The following ITPR1 variants were observed in gnomAD, a reference collection of about 807,000 sequenced individuals.
ITPR1 encodes the protein inositol 1,4,5-trisphosphate receptor type 1, also known as inositol 1,4,5-trisphosphate-gated calcium channel ITPR1.
ITPR1 carries 96 observed loss-of-function variants against 318.4 expected under a neutral mutation model. That is an observed-to-expected ratio of 0.30 (90% confidence interval 0.26 to 0.36). The LOEUF (loss-of-function observed/expected upper bound fraction) is 0.36. Among genes scored for constraint, ITPR1 ranks in the 10% least tolerant of loss-of-function variants. ITPR1 has a pLI of 1.00. For synonymous variants in ITPR1, 1,312 were observed against 1,289.9 expected (o/e 1.02, Z -0.37); for missense variants, 2,440 against 3,460.2 (o/e 0.71, Z 7.40).
chr3:4,632,335 T>G (rs533267740), intron 5 of ITPR1, among the ~76,000 whole-genome samples: 27 of 152,342 alleles, frequency 1.8e-4, no homozygotes, highest in African/African-American at 6.0e-4. Flanking sequence ...TCCAACTCTT[T>G]CCTCTCCTAT....
At chr3:4,607,830 G>A (rs569969914) in intron 4 of ITPR1, among the ~76,000 whole-genome samples, 1 of 152,182 alleles carries the variant, frequency 6.6e-6, no homozygotes, top group African/African-American at 2.4e-5. Context: ...ACCTCAAAAG[G>A]CCAATCTTAG....
chr3:4,601,459 C>T (rs2091275912), intron 4 of ITPR1, among the ~76,000 whole-genome samples: 1 of 150,370 alleles, frequency 6.7e-6, no homozygotes, highest in Non-Finnish European at 1.5e-5. Flanking sequence ...GTCGAGGCTG[C>T]ACTGCACTGT....
intron 4 of ITPR1, among the ~76,000 whole-genome samples, chr3:4,564,364 C>G (rs971265507): frequency 2.6e-5 from 4 of 152,148 alleles, no homozygotes; most frequent in Middle Eastern, 3.2e-3. Context: ...TTCATGTTTG[C>G]GTGTGTTCTT....
chr3:4,713,604 C>T (rs1216807075), intron 39 of ITPR1, among the ~76,000 whole-genome samples: 3 of 152,162 alleles, frequency 2.0e-5, no homozygotes, highest in Non-Finnish European at 4.4e-5. Context: ...ATCCCAGACC[C>T]CAGGGGATGC....
chr3:4,822,760 T>G (rs1490124962), intron 60 of ITPR1, among the ~76,000 whole-genome samples: 1 of 152,202 alleles, frequency 6.6e-6, no homozygotes, highest in Non-Finnish European at 1.5e-5. Flanking sequence ...CCTCCTCCAC[T>G]GTAACTCACA....
At chr3:4,500,394 A>G (rs571332268) in intron 2 of ITPR1, among the ~76,000 whole-genome samples, 1 of 151,788 alleles carries the variant, frequency 6.6e-6, no homozygotes, top group Non-Finnish European at 1.5e-5. Flanking sequence ...TAGGGACGGG[A>G]TCTCGCCATG....
intron 45 of ITPR1, among the ~76,000 whole-genome samples, chr3:4,767,308 G>A (rs1038144331): frequency 6.6e-6 from 1 of 152,196 alleles, no homozygotes; most frequent in African/African-American, 2.4e-5. Context: ...ATACTTAGCA[G>A]CATACACATT....
intron 2 of ITPR1, among the ~76,000 whole-genome samples, chr3:4,500,421 C>G (rs2080932629): frequency 6.6e-6 from 1 of 152,014 alleles, no homozygotes. Context: ...AGGATGCTCT[C>G]AAACACCTAG....
At chr3:4,776,823 T>C (rs1559877125) in intron 47 of ITPR1, among the ~76,000 whole-genome samples, 1 of 152,216 alleles carries the variant, frequency 6.6e-6, no homozygotes, top group Non-Finnish European at 1.5e-5. Context: ...ATGATTAATT[T>C]TGATATTGTG....
chr3:4,575,130 C>T (rs1255540559), intron 4 of ITPR1, among the ~76,000 whole-genome samples: 1 of 152,160 alleles, frequency 6.6e-6, no homozygotes, highest in Non-Finnish European at 1.5e-5. Flanking sequence ...AACAAACCAA[C>T]CATAGTTTCT....
chr3:4,579,760 G>A, intron 4 of ITPR1, among the ~76,000 whole-genome samples: 1 of 152,142 alleles, frequency 6.6e-6, no homozygotes, highest in East Asian at 1.9e-4. Flanking sequence ...GTTCTTTCTG[G>A]TGCTGTTTGA....
chr3:4,620,263 C>T (rs930740399), intron 4 of ITPR1, among the ~76,000 whole-genome samples: 2 of 152,160 alleles, frequency 1.3e-5, no homozygotes, highest in Non-Finnish European at 2.9e-5. Context: ...TTTTACATGC[C>T]TTCGTTGTAC....
At position 4,702,947 on chromosome 3, in the gene ITPR1, G is replaced by A. The variant is rs1196707412; in HGVS notation, c.4654G>A (p.Val1552Ile). The change falls in exon 36 of 62, where the codon GTA becomes ATA. Residue 1552 changes from valine (V) to isoleucine (I), a missense_variant. Physicochemically the swap from Val to Ile is conservative, Grantham distance 29 (BLOSUM62 3). Transcript: ENST00000649015. ...VESCIRVLSDVAKSRAIAIPV... is the reference protein window; with the variant it reads ...VESCIRVLSDIAKSRAIAIPV... ...GAGCTGTATTCGGGTGCTGTCTGAT[G>A]TAGGTAAGATACCAAGTCAGTTTGG... is the stretch of plus-strand genomic sequence containing the variant. 1 of 1,613,756 alleles carries A rather than the reference G, an allele frequency of 6.2e-7. No homozygotes were observed. Among genetic ancestry groups the A allele is most frequent in the Non-Finnish European group, 8.5e-7 (1 of 1,179,698 alleles).
chr3:4,651,213 A>G (rs2093591025), intron 10 of ITPR1, among the ~76,000 whole-genome samples: 2 of 152,204 alleles, frequency 1.3e-5, no homozygotes, highest in Admixed American at 1.3e-4. Flanking sequence ...ATTTGGCTTC[A>G]TAGGGTCTTG....
At chr3:4,703,580 A>G (rs2125267914) in intron 36 of ITPR1, among the ~76,000 whole-genome samples, 1 of 152,264 alleles carries the variant, frequency 6.6e-6, no homozygotes, top group South Asian at 2.1e-4. Flanking sequence ...CCTGAAGTTG[A>G]GAAGAGAGTT....
At chr3:4,731,982 C>T (rs2042957782) in intron 42 of ITPR1, among the ~76,000 whole-genome samples, 1 of 152,214 alleles carries the variant, frequency 6.6e-6, no homozygotes, top group Non-Finnish European at 1.5e-5. Context: ...GACTTCTTCT[C>T]CCTCACCTCT....
intron 20 of ITPR1, chr3:4,671,595 C>T (rs964170927): frequency 6.6e-6 from 1 of 152,160 alleles, no homozygotes; most frequent in African/African-American, 2.4e-5. Flanking sequence ...CTCTGCCACC[C>T]ACCTCCACGG....
intron 40 of ITPR1, among the ~76,000 whole-genome samples, chr3:4,721,174 A>G (rs62231601): frequency 2.8e-3 from 19 of 6,824 alleles, no homozygotes; most frequent in East Asian, 0.17. Context: ...GTGTGCGTGT[A>G]TATATATATA....
At chr3:4,529,060 C>G (rs147977187) in intron 4 of ITPR1, among the ~76,000 whole-genome samples, 5 of 152,098 alleles carry the variant, frequency 3.3e-5, no homozygotes, top group African/African-American at 1.2e-4. Context: ...GGATTGCTGC[C>G]TACTTGCTTC....
Sources: allele counts gnomAD v4.1 joint callset (sites outside exome capture counted in the v4.1 genomes callset), GRCh38; gene constraint gnomAD v4.1.1; transcripts MANE v1.5; gene names NCBI Gene and HGNC (gene_info 2026-07-23, HGNC 2026-07-21).